Variants in P3H2 observed in about 807,000 individuals in gnomAD.
P3H2 encodes the protein prolyl 3-hydroxylase 2, also known as leprecan-like 1.
In P3H2, 80 loss-of-function variants were observed where a neutral mutation model predicts 87.0. That is an observed-to-expected ratio of 0.92 (90% CI 0.77 to 1.11). The LOEUF (loss-of-function observed/expected upper bound fraction) is 1.11, where lower values mean the gene tolerates loss of function less well. Ranked by LOEUF, P3H2 falls within the 50% of genes least tolerant of loss-of-function variation. The probability of loss-of-function intolerance (pLI) is 0.00; values close to 1 mark genes in which losing one functional copy is unlikely to be tolerated. For synonymous variants in P3H2, 367 were observed against 359.3 expected (o/e 1.02, Z -0.24); for missense variants, 1,001 against 923.9 (o/e 1.08, Z -1.08).
chr3:189,995,132 T>C (rs1456228133), intron 2 of P3H2, among the ~76,000 whole-genome samples, 158 bp downstream of exon 2: 2 of 152,294 alleles, frequency 1.3e-5, no homozygotes, highest in Non-Finnish European at 2.9e-5. Flanking sequence ...TTTTCAGACC[T>C]GATCATTATA....
At chr3:190,044,536 CT>C (rs1235765861) in intron 1 of P3H2, among the ~76,000 whole-genome samples, 2 of 152,204 alleles carry the variant, frequency 1.3e-5, no homozygotes, top group African/African-American at 4.8e-5. Flanking sequence ...CCACTCAGGA[CT>C]GGAGCATGAG....
intron 1 of P3H2, among the ~76,000 whole-genome samples, chr3:190,024,162 A>G (rs1725015092): frequency 6.6e-6 from 1 of 152,212 alleles, no homozygotes; most frequent in South Asian, 2.1e-4. Context: ...TAAAATATCT[A>G]TCAGAGTACA....
Position 190,011,700 on chromosome 3 carries a change from T to C in P3H2, c.481-16258A>G, listed in dbSNP as rs1250602009. Among the ~76,000 whole-genome samples, 4 of 152,208 alleles carry C rather than the reference T, an allele frequency of 2.6e-5. No individual in the cohort carries two copies. The South Asian group carries it at 6.2e-4, about 24-fold the overall frequency. Reference sequence around the variant, plus strand: ...GACTCCAGATAAACTATGGTCTGATTAAATTAAAAGCAAAATTTCTAATGG... The same window carrying C: ...GACTCCAGATAAACTATGGTCTGATCAAATTAAAAGCAAAATTTCTAATGG... On this transcript the variant is annotated intron_variant, in intron 1 of 14. Transcript: ENST00000319332.
At chr3:190,086,715 T>A (rs1727222882) in intron 1 of P3H2, among the ~76,000 whole-genome samples, 1 of 152,268 alleles carries the variant, frequency 6.6e-6, no homozygotes, top group East Asian at 1.9e-4. Context: ...CAGACCAGCA[T>A]CCAGGGGACT....
chr3:190,046,286 C>T (rs1333957975), intron 1 of P3H2, among the ~76,000 whole-genome samples: 1 of 152,200 alleles, frequency 6.6e-6, no homozygotes. Flanking sequence ...CTGACTTACA[C>T]AAGATATCAC....
chr3:190,025,384 G>A (rs560287325), intron 1 of P3H2, among the ~76,000 whole-genome samples: 6 of 152,044 alleles, frequency 3.9e-5, no homozygotes, highest in Non-Finnish European at 5.9e-5. Context: ...AAGTAGCATG[G>A]TGAGTTAGTC....
chr3:190,005,319 A>G (rs1421058115), intron 1 of P3H2, among the ~76,000 whole-genome samples: 1 of 150,878 alleles, frequency 6.6e-6, no homozygotes, highest in Non-Finnish European at 1.5e-5. Flanking sequence ...GTAAGTCCAC[A>G]TGTTTCCTGA....
chr3:189,992,719 A>G (rs957872197), intron 3 of P3H2, among the ~76,000 whole-genome samples: 6 of 152,204 alleles, frequency 3.9e-5, no homozygotes, highest in African/African-American at 1.4e-4. Flanking sequence ...AGTAAGTAAC[A>G]ATAGTATCTA....
At chr3:190,000,405 C>T (rs555461613) in intron 1 of P3H2, among the ~76,000 whole-genome samples, 1 of 152,334 alleles carries the variant, frequency 6.6e-6, no homozygotes, top group South Asian at 2.1e-4. Flanking sequence ...TCAAGACAGA[C>T]AAAGGCCCTC....
chr3:189,990,675 C>T (rs961624141), intron 3 of P3H2, among the ~76,000 whole-genome samples: 2 of 152,190 alleles, frequency 1.3e-5, no homozygotes, highest in African/African-American at 2.4e-5. Flanking sequence ...AATACATTTG[C>T]TATTTAAAAA....
chr3:190,052,529 TTTCTCCATGCTTAGCACTG>T (rs148338230), intron 1 of P3H2, among the ~76,000 whole-genome samples: 24,565 of 152,118 alleles, frequency 0.16, 2,447 homozygotes, highest in Non-Finnish European at 0.23. Context: ...GATTGAGATC[TTTCTCCATGCTTAGCACTG>T]TTCTCCATGA....
rs1722689500 is a variant in P3H2 at position 189,957,924 on chromosome 3, T to C, written c.2115A>G (p.Lys705=). The change falls in exon 15 of 15, where the codon AAA becomes AAG. Residue 705 remains lysine (K), a synonymous_variant. Transcript: ENST00000319332. ...QGKHELNINP[K]DEL ...TTCTTTCTCATTTTTATAGCTCATCTTTAGGGTTGATATTCAGTTCATGCT... is the reference window on the plus strand; with the variant it reads ...TTCTTTCTCATTTTTATAGCTCATCCTTAGGGTTGATATTCAGTTCATGCT... 6.2e-7 allele frequency: 1 copy of C among 1,603,508 alleles called. No homozygotes were observed. The highest frequency in any genetic ancestry group is 1.3e-5 in the African/African-American group (1 of 74,760).
intron 14 of P3H2, 45 bp downstream of exon 14, chr3:189,963,913 C>A (rs775040082): frequency 1.2e-6 from 2 of 1,611,092 alleles, no homozygotes; most frequent in South Asian, 2.2e-5. Context: ...TAAAGCAGTT[C>A]ATGAAGCAAG....
intron 1 of P3H2, among the ~76,000 whole-genome samples, chr3:190,042,642 C>A (rs1243580130): frequency 6.6e-6 from 1 of 152,196 alleles, no homozygotes; most frequent in African/African-American, 2.4e-5. Flanking sequence ...ACAGTATGTT[C>A]TACTTTGCAT....
Position 189,957,932 on chromosome 3 carries a change from T to C in P3H2, c.2107A>G (p.Asn703Asp). 1 of 1,608,880 alleles carries C rather than the reference T, an allele frequency of 6.2e-7. No homozygotes were observed. Among genetic ancestry groups the C allele is most frequent in the Non-Finnish European group, 8.5e-7 (1 of 1,175,160 alleles). ...CATTTTTATAGCTCATCTTTAGGGT[T>C]GATATTCAGTTCATGCTTCCCTTGC... ...EQQGKHELNI[N>D]PKDEL The change falls in exon 15 of 15, where the codon AAC (asparagine) becomes GAC (aspartate). Residue 703 changes from asparagine (N) to aspartate (D), a missense_variant. Physicochemically the swap from Asn to Asp is conservative, Grantham distance 23 (BLOSUM62 1). Coordinates refer to ENST00000319332, the MANE Select transcript of P3H2 (RefSeq NM_018192.4).
Position 190,040,397 on chromosome 3 carries a change from TCCA to T in P3H2, c.481-44958_481-44956del, listed in dbSNP as rs148968245. On this transcript the variant is annotated intron_variant, in intron 1 of 14. Coordinates refer to ENST00000319332, the MANE Select transcript of P3H2 (RefSeq NM_018192.4). Reference sequence around the variant, plus strand: ...AGAATGCCAACTAATGGTTACTGAATCCACCACCTGCAGAATAACTTTGGAAAA... The same window carrying T: ...AGAATGCCAACTAATGGTTACTGAATCCACCTGCAGAATAACTTTGGAAAA... Among the ~76,000 whole-genome samples, 802 of 152,338 alleles carry T rather than the reference TCCA, an allele frequency of 5.3e-3. 9 individuals carry two copies. Among genetic ancestry groups the T allele is most frequent in the African/African-American group, 0.018 (751 of 41,570 alleles).
At chr3:190,084,305 C>A (rs1560393858) in intron 1 of P3H2, among the ~76,000 whole-genome samples, 2 of 152,172 alleles carry the variant, frequency 1.3e-5, no homozygotes, top group Non-Finnish European at 2.9e-5. Context: ...AATAAATGGT[C>A]TCCGCTAAAG....
chr3:189,977,530 A>G (rs1428946959), intron 8 of P3H2, among the ~76,000 whole-genome samples: 1 of 152,202 alleles, frequency 6.6e-6, no homozygotes, highest in Non-Finnish European at 1.5e-5. Context: ...CACAGAAACT[A>G]TGAGATAATA....
rs1305030381 is a variant in P3H2, at chr3:190,117,706, C to T, written c.480+2546G>A. Reference sequence around the variant, plus strand: ...GTGTGCGTATTCATAAGTGAAATTCCAAGGAAGCCAAGCAAAGGCTAAAAC... The same window carrying T: ...GTGTGCGTATTCATAAGTGAAATTCTAAGGAAGCCAAGCAAAGGCTAAAAC... On this transcript the variant is annotated intron_variant, in intron 1 of 14. Transcript: ENST00000319332. 5.3e-5 allele frequency among the ~76,000 whole-genome samples: 7 copies of T among 131,080 alleles called. No homozygotes were observed. The Admixed American group carries it at 5.9e-4, about 11-fold the overall frequency. 86.0% of individuals were successfully genotyped at this position (131,080 alleles called of 152,430 possible).
Sources: allele counts gnomAD v4.1 joint callset (sites outside exome capture counted in the v4.1 genomes callset), GRCh38; gene constraint gnomAD v4.1.1; transcripts MANE v1.5; gene names NCBI Gene and HGNC (gene_info 2026-07-23, HGNC 2026-07-21).